TMEM63B: variants seen among roughly 807,000 people sequenced by gnomAD.
TMEM63B encodes transmembrane protein 63B.
TMEM63B carries 23 observed loss-of-function variants against 102.6 expected under a neutral mutation model. The ratio of observed to expected loss-of-function variants is 0.22; its 90% confidence interval spans 0.16 to 0.32. The LOEUF (loss-of-function observed/expected upper bound fraction) is 0.32, where lower values mean the gene tolerates loss of function less well. TMEM63B is among the 10% of genes least tolerant of loss of function. The pLI is 1.00. For missense variants in TMEM63B, 628 were observed against 1,095.9 expected, an observed-to-expected ratio of 0.57 and a Z score of 6.03; for synonymous variants, 444 against 437.0, an observed-to-expected ratio of 1.02 and a Z score of -0.20.
At position 44,147,648 on chromosome 6, in the gene TMEM63B, A is replaced by G. The variant is rs937694659; in HGVS notation, c.987+148A>G. 61 of 1,159,078 alleles carry G rather than the reference A, an allele frequency of 5.3e-5. No individual in the cohort carries two copies. The Middle Eastern group carries it at 1.1e-3, about 21-fold the overall frequency. 71.8% of individuals were successfully genotyped at this position (1,159,078 alleles called of 1,614,324 possible). ...TGTTGGGTTTGTCTAATGTCCCTAC[A>G]GTGACCAGGTTTTCAAACCTCAAAT... On this transcript the variant is annotated intron_variant, in intron 12 of 23. Coordinates refer to ENST00000323267, the MANE Select transcript of TMEM63B (RefSeq NM_018426.3).
At chr6:44,134,958 C>G in intron 2 of TMEM63B, 59 bp from the exon 3 acceptor site, 1 of 1,594,028 alleles carries the variant, frequency 6.3e-7, no homozygotes, top group Non-Finnish European at 8.6e-7. Context: ...CTTCTGCCCC[C>G]TAGTCCAGCA....
At chr6:44,136,506 C>A in intron 5 of TMEM63B, 67 bp downstream of exon 5, 1 of 1,113,914 alleles carries the variant, frequency 9.0e-7, no homozygotes, top group Non-Finnish European at 1.3e-6. Flanking sequence ...GCTGAGAAGT[C>A]CCTCACTTTC....
rs1327813603 is a variant in TMEM63B at position 44,152,498 on chromosome 6, C to A, written c.1837-95C>A. The A allele has an allele frequency of 3.2e-6, 3 of 932,260 alleles. No individual in the cohort carries two copies. The highest frequency in any genetic ancestry group is 5.1e-6 in the Non-Finnish European group (3 of 586,314). The allele number at this position is 932,260 out of a possible 1,614,324, so 57.7% of individuals were successfully genotyped here. A position where few individuals can be genotyped will look rare whatever the true frequency, so the allele number is the denominator to read the frequency against. On this transcript the variant is annotated intron_variant, in intron 19 of 23. Transcript: ENST00000323267. The surrounding 1 kb of genome is among the most constrained non-coding windows in gnomAD (Gnocchi z 6.4). ...GTTCCCCATGGCTTCTTTTCCGGCC[C>A]CAGAGGTCCTGGCTCCCTTCCCCCT...
chr6:44,135,229 G>C (rs1582768987), intron 3 of TMEM63B, 99 bp from the exon 4 acceptor site: 2 of 1,552,170 alleles, frequency 1.3e-6, no homozygotes, highest in East Asian at 4.6e-5. Context: ...CCCAATGTGG[G>C]CATGGGGGCA....
intron 11 of TMEM63B, among the ~76,000 whole-genome samples, 198 bp downstream of exon 11, chr6:44,147,125 G>A (rs899338506): frequency 1.1e-4 from 17 of 152,148 alleles, no homozygotes; most frequent in Non-Finnish European, 2.1e-4. Context: ...GGGGAAGGGG[G>A]GCCCATGGTC....
chr6:44,136,589 G>A (rs912986291), intron 5 of TMEM63B, 150 bp downstream of exon 5: 108 of 651,572 alleles, frequency 1.7e-4, no homozygotes, highest in Non-Finnish European at 2.9e-4. Context: ...AGGAGCCACA[G>A]GATGACCCCC....
chr6:44,127,187 C>CCCACCCTCCCCGTCGGGA (rs1777240184), upstream of TMEM63B: 1 of 125,102 alleles, frequency 8.0e-6, no homozygotes, highest in African/African-American at 2.7e-5. Flanking sequence ...CCCGTCGGGA[C>CCCACCCTCCCCGTCGGGA]CCCCCCCTCC....
Position 44,146,858 on chromosome 6 carries a change from C to G in TMEM63B, c.794C>G (p.Pro265Arg), listed in dbSNP as rs767536605. ...GAACTGTGTTTCAGGGAAGCCTACC[C>G]CAACTGCACAGTTCTCGAAGCCCGC... The part of the protein sequence containing the change: ...KIKKHFEEAY[P>R]NCTVLEARPC... Residue 265 changes from proline to arginine, a missense_variant, in exon 11 of 24, where the codon CCC becomes CGC. By Grantham distance (103) the Pro-to-Arg change is moderately radical. This residue lies in a region of TMEM63B where 336 missense variants were observed against 580.3 expected (regional missense o/e 0.58). Transcript: ENST00000323267. The G allele has an allele frequency of 6.2e-7, 1 of 1,613,962 alleles. No homozygotes were observed. The highest frequency in any genetic ancestry group is 1.7e-5 in the Admixed American group (1 of 60,014).
Position 44,155,270 on chromosome 6 carries a change from GT to G in TMEM63B, c.*393del. On this transcript the variant is annotated 3_prime_UTR_variant, in exon 24 of 24. Coordinates refer to ENST00000323267, the MANE Select transcript of TMEM63B (RefSeq NM_018426.3). ...GATCTGGGGCTGTTCCCCCCCCTCC[GT>G]TTTTTCCACCCCACAGTTCCTCCTG... is the stretch of plus-strand genomic sequence containing the variant. 6.4e-6 allele frequency: 1 copy of G among 155,160 alleles called. No individual in the cohort carries two copies. The highest frequency in any genetic ancestry group is 1.4e-5 in the Non-Finnish European group (1 of 70,284). The allele number at this position is 155,160 out of a possible 1,614,324, so 9.6% of individuals were successfully genotyped here. A position where few individuals can be genotyped will look rare whatever the true frequency, so the allele number is the denominator to read the frequency against.
Position 44,152,755 on chromosome 6 carries a change from C to T in TMEM63B, c.1942+57C>T. 1 of 1,439,604 alleles carries T rather than the reference C, an allele frequency of 6.9e-7. No homozygotes were observed. Among genetic ancestry groups the T allele is most frequent in the Non-Finnish European group, 9.6e-7 (1 of 1,037,146 alleles). 89.2% of individuals were successfully genotyped at this position (1,439,604 alleles called of 1,614,324 possible). A position where few individuals can be genotyped will look rare whatever the true frequency, so the allele number is the denominator to read the frequency against. On this transcript the variant is annotated intron_variant, in intron 20 of 23. Transcript: ENST00000323267. This position sits in a 1 kb window ranked among gnomAD's most constrained non-coding sequence, Gnocchi z 6.4. ...GCTCGGGGGGACCCAGGACTTCACC[C>T]TCTCCACTCTAGGAATGCAGGCCAC...
rs1763808560 is a variant in TMEM63B, at chr6:44,139,619, G to T, written c.550+10G>T. On this transcript the variant is annotated intron_variant, in intron 7 of 23. Coordinates refer to ENST00000323267, the MANE Select transcript of TMEM63B (RefSeq NM_018426.3). ...TCAGGGGACCTGCTGGGTCAGTGAG[G>T]GCCAGGACGGCTAGGGTGGAGAGAG... 1 of 1,614,162 alleles carries T rather than the reference G, an allele frequency of 6.2e-7. No individual in the cohort carries two copies. The highest frequency in any genetic ancestry group is 2.2e-5 in the East Asian group (1 of 44,878).
chr6:44,138,979 G>A (rs1298029405), intron 6 of TMEM63B: 3 of 243,206 alleles, frequency 1.2e-5, no homozygotes, highest in South Asian at 5.9e-5. Flanking sequence ...AAGGGTACCC[G>A]GGCTTCACTA....
At chr6:44,137,021 G>C (rs1162012139) in intron 5 of TMEM63B, among the ~76,000 whole-genome samples, 4 of 152,208 alleles carry the variant, frequency 2.6e-5, no homozygotes, top group Non-Finnish European at 5.9e-5. Context: ...CTCTAGCCTG[G>C]GTGACAGAGC....
At chr6:44,131,341 G>C (rs540390079) in intron 1 of TMEM63B, among the ~76,000 whole-genome samples, 28 of 152,228 alleles carry the variant, frequency 1.8e-4, no homozygotes, top group Non-Finnish European at 3.1e-4. Context: ...CTCAGGTTTC[G>C]TAGTAACAGA....
chr6:44,155,019 G>C lies in TMEM63B; in HGVS notation c.*136G>C, dbSNP rs1767745553. On this transcript the variant is annotated 3_prime_UTR_variant, in exon 24 of 24. Coordinates refer to ENST00000323267, the MANE Select transcript of TMEM63B (RefSeq NM_018426.3). ...TGCTTTCATTAAGGTATTTAAACTTGGGGGTTTCACTGCTCTCCCCCATGA... is the reference window on the plus strand; with the variant it reads ...TGCTTTCATTAAGGTATTTAAACTTCGGGGTTTCACTGCTCTCCCCCATGA... The C allele has an allele frequency of 1.1e-6, 1 of 888,044 alleles. No individual in the cohort carries two copies. Among genetic ancestry groups the C allele is most frequent in the African/African-American group, 1.8e-5 (1 of 54,246 alleles). 55.0% of individuals were successfully genotyped at this position (888,044 alleles called of 1,614,324 possible). A position where few individuals can be genotyped will look rare whatever the true frequency, so the allele number is the denominator to read the frequency against.
At chr6:44,134,361 G>A in intron 1 of TMEM63B, 200 bp from the exon 2 acceptor site, 1 of 555,000 alleles carries the variant, frequency 1.8e-6, no homozygotes, top group Non-Finnish European at 3.1e-6. Flanking sequence ...CCCAGGGTGG[G>A]GTCATAGCCA....
At chr6:44,140,472 C>T in intron 9 of TMEM63B, 112 bp downstream of exon 9, 2 of 825,778 alleles carry the variant, frequency 2.4e-6, no homozygotes, top group Non-Finnish European at 4.0e-6. Flanking sequence ...TGAATGCTGG[C>T]ACAGCAGCTC....
intron 5 of TMEM63B, 29 bp downstream of exon 5, chr6:44,136,468 TC>T: frequency 6.8e-7 from 1 of 1,469,324 alleles, no homozygotes; most frequent in Non-Finnish European, 9.4e-7. Context: ...AACTTCTTAG[TC>T]CCCCACCCCA....
Position 44,154,635 on chromosome 6 carries a change from C to G in TMEM63B, c.2308-57C>G, listed in dbSNP as rs377132293. The G allele has an allele frequency of 8.6e-4, 1,298 of 1,516,174 alleles. 12 individuals carry two copies. In the South Asian group the frequency reaches 0.016, roughly 18 times the overall value. The allele number at this position is 1,516,174 out of a possible 1,614,324, so 93.9% of individuals were successfully genotyped here. On this transcript the variant is annotated intron_variant, in intron 23 of 23. Coordinates refer to ENST00000323267, the MANE Select transcript of TMEM63B (RefSeq NM_018426.3). ...CTGCTGTCCTACATGCCCTGGTGTTCCCGCAATCCATGAGGGGCAGCTGTT... is the reference window on the plus strand; with the variant it reads ...CTGCTGTCCTACATGCCCTGGTGTTGCCGCAATCCATGAGGGGCAGCTGTT...
Sources: allele counts gnomAD v4.1 joint callset (sites outside exome capture counted in the v4.1 genomes callset), GRCh38; gene constraint gnomAD v4.1.1; regional missense constraint gnomAD v4.1.1; non-coding constraint Gnocchi (gnomAD v3.1); transcripts MANE v1.5; gene names NCBI Gene and HGNC (gene_info 2026-07-23, HGNC 2026-07-21).